Variants in CAAP1 observed in about 807,000 individuals in gnomAD.
CAAP1 encodes caspase activity and apoptosis inhibitor 1.
Under a neutral mutation model 34.0 loss-of-function variants are expected in CAAP1, and 20 were observed. The observed-to-expected ratio is 0.59, with a 90% CI of 0.41 to 0.86. CAAP1 has a LOEUF of 0.86. Ranked by LOEUF, CAAP1 falls within the 40% of genes least tolerant of loss-of-function variation. The pLI is 0.00. For synonymous variants in CAAP1, 213 were observed against 166.7 expected, an observed-to-expected ratio of 1.28 and a Z score of -2.14; for missense variants, 538 against 450.5, an observed-to-expected ratio of 1.19 and a Z score of -1.76.
intron 4 of CAAP1, among the ~76,000 whole-genome samples, chr9:26,863,119 C>A (rs537070109): frequency 6.6e-6 from 1 of 152,068 alleles, no homozygotes; most frequent in Non-Finnish European, 1.5e-5. Flanking sequence ...CCTCTTAGAG[C>A]CCCTTTAAAT....
intron 5 of CAAP1, among the ~76,000 whole-genome samples, chr9:26,843,101 C>A (rs902739150): frequency 6.6e-6 from 1 of 152,180 alleles, no homozygotes; most frequent in Non-Finnish European, 1.5e-5. Context: ...AAAGTATCAT[C>A]AGCAAGCAGG....
At chr9:26,886,944 G>A (rs1429783049) in intron 2 of CAAP1, among the ~76,000 whole-genome samples, 4 of 152,108 alleles carry the variant, frequency 2.6e-5, no homozygotes, top group South Asian at 2.1e-4. Context: ...CGCCAGGCAC[G>A]GTGGCTCACA....
chr9:26,858,733 G>A (rs1350161991), intron 5 of CAAP1, among the ~76,000 whole-genome samples: 1 of 151,564 alleles, frequency 6.6e-6, no homozygotes, highest in African/African-American at 2.4e-5. Flanking sequence ...TGAGGCAGGG[G>A]AATGGTGTGA....
In CAAP1 at chr9:26,872,339, C is replaced by G. The variant is rs530044990; in HGVS notation, c.666-11200G>C. ...ATAAGTTGCAGACTACATAAGAAACCTAACTGTTAAACAATGTACTAAAAT... is the reference window on the plus strand; with the variant it reads ...ATAAGTTGCAGACTACATAAGAAACGTAACTGTTAAACAATGTACTAAAAT... On this transcript the variant is annotated intron_variant, in intron 4 of 5. Coordinates refer to ENST00000333916, the MANE Select transcript of CAAP1 (RefSeq NM_024828.4). Among the ~76,000 whole-genome samples, 30 of 152,174 alleles carry G rather than the reference C, an allele frequency of 2.0e-4. 1 individual carries two copies. The South Asian group carries it at 6.0e-3, about 31-fold the overall frequency.
chr9:26,892,437 G>A lies in CAAP1; in HGVS notation c.279C>T (p.Ser93=), dbSNP rs747714751. The A allele has an allele frequency of 3.1e-6, 5 of 1,600,646 alleles. No individual in the cohort carries two copies. In the Admixed American group the frequency reaches 5.1e-5, roughly 16 times the overall value. Residue 93 remains serine (S), a synonymous_variant, in exon 1 of 6, where the codon TCC becomes TCT. Coordinates refer to ENST00000333916, the MANE Select transcript of CAAP1 (RefSeq NM_024828.4). ...CCTGCTGCAAGGAGCCCGAGACGCT[G>A]GAAGAGTCGGTACTCCTCCGCTTCC... ...ERRKRRSTDS[S]SVSGSLQQET... is the part of the protein sequence containing the mutation.
At chr9:26,844,178 AGAAATCCCATCTCT>A (rs1360279989) in intron 5 of CAAP1, among the ~76,000 whole-genome samples, 1 of 152,000 alleles carries the variant, frequency 6.6e-6, no homozygotes, top group Non-Finnish European at 1.5e-5. Flanking sequence ...ACCAACATGG[AGAAATCCCATCTCT>A]ACTAAAAATA....
At chr9:26,844,490 A>G (rs1308212749) in intron 5 of CAAP1, among the ~76,000 whole-genome samples, 1 of 152,242 alleles carries the variant, frequency 6.6e-6, no homozygotes, top group African/African-American at 2.4e-5. Flanking sequence ...TGTATAAAAT[A>G]TTTTAAAATA....
intron 5 of CAAP1, among the ~76,000 whole-genome samples, chr9:26,859,403 T>C (rs568812240): frequency 9.2e-5 from 14 of 152,306 alleles, no homozygotes; most frequent in African/African-American, 1.4e-4. Flanking sequence ...CAAGGTAACA[T>C]TGGCTAATTT....
chr9:26,890,153 T>C (rs1218695237), intron 1 of CAAP1, among the ~76,000 whole-genome samples: 1 of 151,220 alleles, frequency 6.6e-6, no homozygotes, highest in Admixed American at 6.6e-5. Context: ...GTGGATCACC[T>C]GAGGTCAGGA....
In CAAP1 at chr9:26,892,721, C is replaced by A. The variant is rs551011679; in HGVS notation, c.-6G>T. 1 of 1,580,760 alleles carries A rather than the reference C, an allele frequency of 6.3e-7. No homozygotes were observed. Among genetic ancestry groups the A allele is most frequent in the South Asian group, 1.1e-5 (1 of 88,696 alleles). ...GAGGACTTTTTCCCCGTCATGATCC[C>A]TCTGCTGCAACCATCGGAGGAAAGT... is the stretch of plus-strand genomic sequence containing the variant. On this transcript the variant is annotated 5_prime_UTR_variant, in exon 1 of 6. The change creates a new upstream start codon in the 5' untranslated region. Transcript: ENST00000333916.
intron 4 of CAAP1, among the ~76,000 whole-genome samples, chr9:26,871,313 C>T (rs532097121): frequency 5.9e-5 from 9 of 152,286 alleles, no homozygotes; most frequent in African/African-American, 2.2e-4. Context: ...CGCAGTGGCT[C>T]ATGCCTGTAA....
Position 26,887,366 on chromosome 9 carries a change from A to C in CAAP1, c.451T>G (p.Phe151Val). ...AACTTTTTCTCTCCTATAATACAGA[A>C]GCACTGCTGAAGCATTTCTTTTTTG... ...SDKKEMLQQC[F>V]CIIGEKKLQK... The change falls in exon 2 of 6, where the codon TTC becomes GTC. Residue 151 changes from phenylalanine (F) to valine (V), a missense_variant. Physicochemically the swap from Phe to Val is conservative, Grantham distance 50. Around this residue, in one of 3 missense-constraint regions of CAAP1, gnomAD observed 514 missense variants for 408.4 expected, o/e 1.26. Coordinates refer to ENST00000333916, the MANE Select transcript of CAAP1 (RefSeq NM_024828.4). 1 of 1,611,062 alleles carries C rather than the reference A, an allele frequency of 6.2e-7. No homozygotes were observed. Among genetic ancestry groups the C allele is most frequent in the South Asian group, 1.1e-5 (1 of 90,382 alleles).
At chr9:26,864,546 C>T (rs1389250663) in intron 4 of CAAP1, among the ~76,000 whole-genome samples, 1 of 151,938 alleles carries the variant, frequency 6.6e-6, no homozygotes, top group East Asian at 1.9e-4. Flanking sequence ...GTTACCACAC[C>T]CCGGTGCTTT....
At chr9:26,858,993 T>C (rs1322802790) in intron 5 of CAAP1, among the ~76,000 whole-genome samples, 2 of 124,010 alleles carry the variant, frequency 1.6e-5, no homozygotes, top group East Asian at 6.8e-4. Context: ...CGAGAGACTG[T>C]CTCAAAAAAA....
intron 5 of CAAP1, among the ~76,000 whole-genome samples, chr9:26,854,231 C>T (rs1433594916): frequency 6.6e-6 from 1 of 152,152 alleles, no homozygotes; most frequent in African/African-American, 2.4e-5. Context: ...TGTATTAATT[C>T]ATTCAATCCT....
intron 3 of CAAP1, among the ~76,000 whole-genome samples, chr9:26,885,822 T>C (rs62544412): frequency 0.06 from 9,160 of 151,740 alleles, 323 homozygotes; most frequent in Middle Eastern, 0.16. Context: ...TTCCAATAAT[T>C]AATTTTTTTA....
At chr9:26,847,386 T>C (rs937766300) in intron 5 of CAAP1, among the ~76,000 whole-genome samples, 2 of 151,728 alleles carry the variant, frequency 1.3e-5, no homozygotes, top group East Asian at 3.9e-4. Context: ...AGCTAATTTT[T>C]TGTACTTTTG....
intron 4 of CAAP1, among the ~76,000 whole-genome samples, chr9:26,875,305 G>C (rs1413011039): frequency 6.6e-6 from 1 of 152,028 alleles, no homozygotes; most frequent in Non-Finnish European, 1.5e-5. Flanking sequence ...AGAATTGCTT[G>C]AATCTGGGAG....
At chr9:26,875,627 A>G (rs1823409985) in intron 4 of CAAP1, among the ~76,000 whole-genome samples, 1 of 151,970 alleles carries the variant, frequency 6.6e-6, no homozygotes, top group Non-Finnish European at 1.5e-5. Flanking sequence ...TTTGTCCTTT[A>G]TGTATTTTCC....
Sources: allele counts gnomAD v4.1 joint callset (sites outside exome capture counted in the v4.1 genomes callset), GRCh38; gene constraint gnomAD v4.1.1; regional missense constraint gnomAD v4.1.1; transcripts MANE v1.5; gene names NCBI Gene and HGNC (gene_info 2026-07-23, HGNC 2026-07-21).